USP34: variants seen among roughly 807,000 people sequenced by gnomAD.
USP34 encodes ubiquitin specific peptidase 34, also known as ubiquitin carboxyl-terminal hydrolase 34.
Under a neutral mutation model 460.3 loss-of-function variants are expected in USP34, and 70 were observed. That is an observed-to-expected ratio of 0.15 (90% CI 0.13 to 0.19). The LOEUF (loss-of-function observed/expected upper bound fraction) is 0.19. Ranked by LOEUF, USP34 falls within the 10% of genes least tolerant of loss-of-function variation. The pLI is 1.00. For synonymous variants in USP34, 1,647 were observed against 1,405.3 expected (o/e 1.17, Z -3.85); for missense variants, 3,985 against 4,236.2 (o/e 0.94, Z 1.65).
At chr2:61,201,347 A>G (rs781473428) in intron 75 of USP34, among the ~76,000 whole-genome samples, 4 of 150,814 alleles carry the variant, frequency 2.7e-5, no homozygotes, top group Non-Finnish European at 4.4e-5. Flanking sequence ...TCTCCCAAGT[A>G]GCTGCAACTA....
chr2:61,370,643 G>T, intron 8 of USP34, 64 bp from the exon 9 acceptor site: 1 of 1,482,418 alleles, frequency 6.7e-7, no homozygotes, highest in Admixed American at 2.0e-5. Context: ...TGTCTAAAAG[G>T]TAGAGTCAAT....
chr2:61,438,589 A>T (rs924143439), intron 1 of USP34, among the ~76,000 whole-genome samples: 1 of 150,458 alleles, frequency 6.6e-6, no homozygotes, highest in Non-Finnish European at 1.5e-5. Context: ...GACAAGAGTG[A>T]GACTCCATCT....
In USP34 at chr2:61,278,304, AT is replaced by A. The variant is rs1156764501; in HGVS notation, c.5313-20del. On this transcript the variant is annotated intron_variant, in intron 40 of 79. Coordinates refer to ENST00000398571, the MANE Select transcript of USP34 (RefSeq NM_014709.4). The stretch of plus-strand genomic sequence containing the variant: ...CTCCCTACTACAAAAAAGAAAAAAA[AT>A]ACACACAAGCAAGATAGTTCACATA... The A allele has an allele frequency of 6.2e-7, 1 of 1,612,002 alleles. No homozygotes were observed. Among genetic ancestry groups the A allele is most frequent in the Non-Finnish European group, 8.5e-7 (1 of 1,179,226 alleles).
Position 61,192,811 on chromosome 2 carries a change from C to T in USP34, c.9588+90G>A, listed in dbSNP as rs566926772. ...AAGATTCTAAAATGTCCCCACTTTT[C>T]AGCAAGTCTTCAACCCACTGTTCCT... On this transcript the variant is annotated intron_variant, in intron 76 of 79. Transcript: ENST00000398571. 55 of 1,028,808 alleles carry T rather than the reference C, an allele frequency of 5.3e-5. 1 individual carries two copies. In the African/African-American group the frequency reaches 7.0e-4, roughly 13 times the overall value. The allele number at this position is 1,028,808 out of a possible 1,614,324, so 63.7% of individuals were successfully genotyped here. A position where few individuals can be genotyped will look rare whatever the true frequency, so the allele number is the denominator to read the frequency against.
intron 1 of USP34, among the ~76,000 whole-genome samples, chr2:61,425,178 C>T (rs1157644910): frequency 6.6e-6 from 1 of 151,948 alleles, no homozygotes; most frequent in Non-Finnish European, 1.5e-5. Context: ...CTGATCATGC[C>T]CATGCCCCCG....
intron 75 of USP34, among the ~76,000 whole-genome samples, chr2:61,193,658 A>G (rs1293937508): frequency 3.3e-5 from 5 of 152,218 alleles, no homozygotes; most frequent in African/African-American, 9.7e-5. Context: ...CTGAAAGTAC[A>G]GAAGCTTCAT....
intron 57 of USP34, among the ~76,000 whole-genome samples, chr2:61,233,840 G>A (rs963525830): frequency 2.8e-5 from 3 of 107,682 alleles, no homozygotes; most frequent in Non-Finnish European, 6.2e-5. Flanking sequence ...CCCACTCTGG[G>A]GGTAAAAAAA....
At chr2:61,402,613 T>C (rs1393863267) in intron 3 of USP34, among the ~76,000 whole-genome samples, 1 of 152,164 alleles carries the variant, frequency 6.6e-6, no homozygotes, top group Admixed American at 6.6e-5. Context: ...GACACAGCTA[T>C]CAAAATACTA....
At position 61,220,390 on chromosome 2, in the gene USP34, G is replaced by T; in HGVS notation, c.7967C>A (p.Ala2656Glu). 6.2e-7 allele frequency: 1 copy of T among 1,613,928 alleles called. No homozygotes were observed. The highest frequency in any genetic ancestry group is 8.5e-7 in the Non-Finnish European group (1 of 1,179,890). The change falls in exon 67 of 80, where the codon GCA (alanine) becomes GAA (glutamate). Residue 2656 changes from alanine (A) to glutamate (E), a missense_variant. Ala to Glu is a moderately radical substitution (Grantham distance 107). Transcript: ENST00000398571. ...CATATTCTGTAAGACCCAGCTGTGTGCCAGTTTATTTCGGGGTGTCTGCAC... is the reference window on the plus strand; with the variant it reads ...CATATTCTGTAAGACCCAGCTGTGTTCCAGTTTATTTCGGGGTGTCTGCAC... Reference protein sequence around the residue: ...LAVQTPRNKLAHSWVLQNMEN... With the variant: ...LAVQTPRNKLEHSWVLQNMEN...
chr2:61,391,218 G>C (rs1249120118), intron 5 of USP34, among the ~76,000 whole-genome samples: 1 of 152,104 alleles, frequency 6.6e-6, no homozygotes, highest in African/African-American at 2.4e-5. Context: ...GGCCAAGGCG[G>C]GCGGATCATT....
chr2:61,229,480 AAAAAAAAACAAAAAC>A, intron 59 of USP34, 53 bp downstream of exon 59: 1 of 780,584 alleles, frequency 1.3e-6, no homozygotes, highest in Non-Finnish European at 1.7e-6. Context: ...AAAAAACAAA[AAAAAAAAACAAAAAC>A]ACCACACACA....
At chr2:61,423,819 C>G (rs570666923) in intron 1 of USP34, among the ~76,000 whole-genome samples, 8 of 152,214 alleles carry the variant, frequency 5.3e-5, no homozygotes, top group South Asian at 4.2e-4. Context: ...GGCACGGTGG[C>G]ACATGCCTAT....
intron 69 of USP34, among the ~76,000 whole-genome samples, chr2:61,209,661 T>C (rs1687217388): frequency 1.3e-5 from 2 of 152,378 alleles, no homozygotes; most frequent in African/African-American, 4.8e-5. Flanking sequence ...AATAAATGAC[T>C]ATGTTACTGG....
At chr2:61,316,437 T>C (rs939338924) in intron 23 of USP34, among the ~76,000 whole-genome samples, 2 of 150,702 alleles carry the variant, frequency 1.3e-5, no homozygotes, top group Non-Finnish European at 3.0e-5. Flanking sequence ...ATACAAAAAT[T>C]AGCTGGGCGT....
intron 41 of USP34, among the ~76,000 whole-genome samples, chr2:61,267,404 C>T (rs531051068): frequency 6.6e-5 from 10 of 150,730 alleles, no homozygotes; most frequent in South Asian, 2.1e-4. Context: ...AGCAAAGAAA[C>T]GTTAAGTTTA....
chr2:61,436,525 C>T (rs556358166), intron 1 of USP34, among the ~76,000 whole-genome samples: 18 of 152,218 alleles, frequency 1.2e-4, no homozygotes, highest in African/African-American at 3.4e-4. Context: ...TAAATACACA[C>T]GCAACCAACA....
chr2:61,389,766 G>T (rs1266649688), intron 5 of USP34, among the ~76,000 whole-genome samples: 1 of 151,346 alleles, frequency 6.6e-6, no homozygotes, highest in African/African-American at 2.4e-5. Context: ...AGCTTTTCAG[G>T]TTTCCTTCTC....
chr2:61,209,753 C>T (rs1243768936), intron 69 of USP34, among the ~76,000 whole-genome samples: 4 of 152,144 alleles, frequency 2.6e-5, no homozygotes, highest in Non-Finnish European at 5.9e-5. Flanking sequence ...ACAGGCCCTA[C>T]AGGAGGGATT....
intron 41 of USP34, among the ~76,000 whole-genome samples, chr2:61,266,781 C>T (rs1041354566): frequency 1.3e-5 from 2 of 152,170 alleles, no homozygotes; most frequent in African/African-American, 4.8e-5. Flanking sequence ...AAAGAGATAG[C>T]ACAGTAAGAC....
Sources: allele counts gnomAD v4.1 joint callset (sites outside exome capture counted in the v4.1 genomes callset), GRCh38; gene constraint gnomAD v4.1.1; transcripts MANE v1.5; gene names NCBI Gene and HGNC (gene_info 2026-07-23, HGNC 2026-07-21).